SPTLC2: variants seen among roughly 807,000 people sequenced by gnomAD.
SPTLC2 encodes serine palmitoyltransferase long chain base subunit 2.
SPTLC2 carries 21 observed loss-of-function variants against 62.0 expected under a neutral mutation model. That is an observed-to-expected ratio of 0.34 (90% CI 0.24 to 0.49). The LOEUF (loss-of-function observed/expected upper bound fraction) is 0.49. Among genes scored for constraint, SPTLC2 ranks in the 20% least tolerant of loss-of-function variants. The probability of loss-of-function intolerance (pLI) is 0.99; values close to 1 mark genes in which losing one functional copy is unlikely to be tolerated. For missense variants in SPTLC2, 511 were observed against 713.0 expected, an observed-to-expected ratio of 0.72 and a Z score of 3.23; for synonymous variants, 261 against 261.8, an observed-to-expected ratio of 1.00 and a Z score of 0.03.
chr14:77,611,695 G>A (rs767926210), intron 1 of SPTLC2, among the ~76,000 whole-genome samples: 1 of 151,658 alleles, frequency 6.6e-6, no homozygotes, highest in Admixed American at 6.6e-5. Context: ...GCGTGGTGGC[G>A]CATGCCTGTA....
chr14:77,530,263 A>T (rs1181690051), intron 9 of SPTLC2, among the ~76,000 whole-genome samples: 1 of 152,196 alleles, frequency 6.6e-6, no homozygotes, highest in Non-Finnish European at 1.5e-5. Flanking sequence ...AACCTGGGTT[A>T]AAAACATTTC....
intron 3 of SPTLC2, among the ~76,000 whole-genome samples, chr14:77,577,910 C>T (rs2079725823): frequency 6.6e-6 from 1 of 150,680 alleles, no homozygotes; most frequent in African/African-American, 2.5e-5. Flanking sequence ...TTTGGGAGGC[C>T]AAGGTGGGCA....
chr14:77,598,955 A>G (rs2079863076), intron 1 of SPTLC2, among the ~76,000 whole-genome samples: 1 of 152,096 alleles, frequency 6.6e-6, no homozygotes, highest in Non-Finnish European at 1.5e-5. Context: ...AGCATTATAT[A>G]AAAGTAAAAA....
intron 11 of SPTLC2, among the ~76,000 whole-genome samples, chr14:77,513,429 A>G (rs1020912427): frequency 2.6e-5 from 4 of 152,258 alleles, no homozygotes; most frequent in African/African-American, 9.6e-5. Context: ...TGAAAAATAT[A>G]AAAGCAAATA....
chr14:77,557,625 T>G (rs1243574657), intron 6 of SPTLC2, among the ~76,000 whole-genome samples: 1 of 152,156 alleles, frequency 6.6e-6, no homozygotes, highest in East Asian at 1.9e-4. Context: ...CAGTGCGTGC[T>G]CCATTTCCTT....
chr14:77,558,704 C>T (rs183858321), intron 6 of SPTLC2, among the ~76,000 whole-genome samples: 17 of 151,782 alleles, frequency 1.1e-4, no homozygotes, highest in African/African-American at 3.4e-4. Flanking sequence ...TCACTGAAAC[C>T]TCCGCCTCCT....
chr14:77,514,018 T>C (rs140445257), intron 11 of SPTLC2, among the ~76,000 whole-genome samples: 6 of 150,304 alleles, frequency 4.0e-5, no homozygotes, highest in South Asian at 4.2e-4. Flanking sequence ...CTGGGCAACA[T>C]AGTAAGACCT....
chr14:77,525,952 C>T (rs1203008271), intron 9 of SPTLC2, among the ~76,000 whole-genome samples: 1 of 152,042 alleles, frequency 6.6e-6, no homozygotes, highest in Non-Finnish European at 1.5e-5. Context: ...GCCTGTTATC[C>T]TTTAAAATTG....
At chr14:77,596,067 G>A (rs1475971426) in intron 2 of SPTLC2, among the ~76,000 whole-genome samples, 1 of 152,216 alleles carries the variant, frequency 6.6e-6, no homozygotes, top group African/African-American at 2.4e-5. Flanking sequence ...GCCAGGCACA[G>A]TGGTTCACAC....
In SPTLC2 at chr14:77,588,694, T is replaced by A. The variant is rs371071951; in HGVS notation, c.327+8492A>T. On this transcript the variant is annotated intron_variant, in intron 2 of 11. Coordinates refer to ENST00000216484, the MANE Select transcript of SPTLC2 (RefSeq NM_004863.4). ...CTGGGCAACAGAGCAAGATCCTGTC[T>A]CTGAAAAGAAAAAAAAAAAATCTGG... Among the ~76,000 whole-genome samples, 692 of 131,680 alleles carry A rather than the reference T, an allele frequency of 5.3e-3. 3 individuals are homozygous for A. The highest frequency in any genetic ancestry group is 0.025 in the South Asian group (99 of 4,020). The allele number at this position is 131,680 out of a possible 152,430, so 86.4% of individuals were successfully genotyped here. A position where few individuals can be genotyped will look rare whatever the true frequency, so the allele number is the denominator to read the frequency against.
At chr14:77,534,222 A>G (rs914095634) in intron 9 of SPTLC2, among the ~76,000 whole-genome samples, 7 of 143,898 alleles carry the variant, frequency 4.9e-5, no homozygotes, top group Non-Finnish European at 9.3e-5. Flanking sequence ...ACACACACAA[A>G]TGCATATCTA....
At chr14:77,560,313 C>T (rs979702772) in intron 6 of SPTLC2, among the ~76,000 whole-genome samples, 2 of 152,102 alleles carry the variant, frequency 1.3e-5, no homozygotes, top group African/African-American at 4.8e-5. Flanking sequence ...GTGGGCCAGG[C>T]GTGGTGGCTT....
At position 77,577,045 on chromosome 14, in the gene SPTLC2, T is replaced by G. The variant is rs1049661595; in HGVS notation, c.483-130A>C. On this transcript the variant is annotated intron_variant, in intron 3 of 11. Coordinates refer to ENST00000216484, the MANE Select transcript of SPTLC2 (RefSeq NM_004863.4). Reference sequence around the variant, plus strand: ...TATATTAAAAAAATCTCAAACACACTACCAATTATGGAAATAGAAGTTAAA... The same window carrying G: ...TATATTAAAAAAATCTCAAACACACGACCAATTATGGAAATAGAAGTTAAA... The G allele has an allele frequency of 6.4e-6, 6 of 942,094 alleles. No individual in the cohort carries two copies. In the Admixed American group the frequency reaches 1.1e-4, roughly 17 times the overall value. 58.4% of individuals were successfully genotyped at this position (942,094 alleles called of 1,614,324 possible). A position where few individuals can be genotyped will look rare whatever the true frequency, so the allele number is the denominator to read the frequency against.
At position 77,507,963 on chromosome 14, in the gene SPTLC2, C is replaced by T. The variant is rs1271782717; in HGVS notation, c.*4321G>A. The T allele has an allele frequency of 6.6e-6, 1 of 152,246 alleles. No individual in the cohort carries two copies. Among genetic ancestry groups the T allele is most frequent in the African/African-American group, 2.4e-5 (1 of 41,460 alleles). The allele number at this position is 152,246 out of a possible 1,614,324, so 9.4% of individuals were successfully genotyped here. A position where few individuals can be genotyped will look rare whatever the true frequency, so the allele number is the denominator to read the frequency against. On this transcript the variant is annotated 3_prime_UTR_variant, in exon 12 of 12. Coordinates refer to ENST00000216484, the MANE Select transcript of SPTLC2 (RefSeq NM_004863.4). ...GCTCAAATTCTTGGGTTTAAGCAATCCTCCGGCCTCAGCCTCTCAAGTAGC... is the reference window on the plus strand; with the variant it reads ...GCTCAAATTCTTGGGTTTAAGCAATTCTCCGGCCTCAGCCTCTCAAGTAGC...
chr14:77,525,904 CA>C (rs768364595), intron 9 of SPTLC2, among the ~76,000 whole-genome samples: 24 of 134,386 alleles, frequency 1.8e-4, no homozygotes, highest in Non-Finnish European at 3.7e-4. Flanking sequence ...ACAGAGACTC[CA>C]TCTCAAATAA....
chr14:77,568,636 G>C (rs1211924723), intron 5 of SPTLC2, among the ~76,000 whole-genome samples: 1 of 151,932 alleles, frequency 6.6e-6, no homozygotes, highest in South Asian at 2.1e-4. Context: ...GTGAAACCCC[G>C]TCTGTACTAA....
At chr14:77,574,978 T>A (rs1261781640) in intron 4 of SPTLC2, among the ~76,000 whole-genome samples, 1 of 152,140 alleles carries the variant, frequency 6.6e-6, no homozygotes, top group African/African-American at 2.4e-5. Context: ...AAGGCTGAGT[T>A]AGGAGAATCA....
chr14:77,570,926 G>C (rs369533060), intron 4 of SPTLC2, among the ~76,000 whole-genome samples: 1 of 152,196 alleles, frequency 6.6e-6, no homozygotes, highest in African/African-American at 2.4e-5. Context: ...AGGGATAAGA[G>C]ACTATGGAAG....
In SPTLC2 at chr14:77,616,498, C is replaced by T. The variant is rs1432843546; in HGVS notation, c.82G>A (p.Gly28Arg). ...GCVANGEVRN[G>R]YVRSSAAAAA... ...GCTGCAGCGCTGCTCCTCACGTACC[C>T]GTTCCGTACTTCCCCGTTCGCCACG... The change falls in exon 1 of 12, where the codon GGG becomes AGG. Residue 28 changes from glycine to arginine, a missense_variant. Gly to Arg is a moderately radical substitution (Grantham distance 125). Coordinates refer to ENST00000216484, the MANE Select transcript of SPTLC2 (RefSeq NM_004863.4). The T allele has an allele frequency of 1.3e-6, 2 of 1,533,176 alleles. No homozygotes were observed. Among genetic ancestry groups the T allele is most frequent in the East Asian group, 2.5e-5 (1 of 40,692 alleles). The allele number at this position is 1,533,176 out of a possible 1,614,324, so 95.0% of individuals were successfully genotyped here.
Sources: allele counts gnomAD v4.1 joint callset (sites outside exome capture counted in the v4.1 genomes callset), GRCh38; gene constraint gnomAD v4.1.1; transcripts MANE v1.5; gene names NCBI Gene and HGNC (gene_info 2026-07-23, HGNC 2026-07-21).